Variants in SPIN2A observed in about 807,000 individuals in gnomAD.
SPIN2A encodes spindlin family member 2A, also known as spindlin-2A.
SPIN2A carries 4 observed loss-of-function variants against 9.2 expected under a neutral mutation model. The observed-to-expected ratio is 0.44, with a 90% CI of 0.21 to 1.00. The LOEUF (loss-of-function observed/expected upper bound fraction) is 1.00, where lower values mean the gene tolerates loss of function less well. Ranked by LOEUF, SPIN2A falls within the 50% of genes least tolerant of loss-of-function variation. The pLI, the probability that SPIN2A is intolerant of heterozygous loss-of-function variation, is 0.26. For synonymous variants in SPIN2A, 25 were observed against 61.2 expected, an observed-to-expected ratio of 0.41 and a Z score of 2.76; for missense variants, 77 against 172.8, an observed-to-expected ratio of 0.45 and a Z score of 3.11.
intron 1 of SPIN2A, chrX:57,137,025 C>T: frequency 1.2e-6 from 1 of 838,264 alleles, no homozygotes; most frequent in Non-Finnish European, 1.5e-6. Context: ...TGTTACCTAC[C>T]TCCCTTGCTT....
chrX:57,142,726 G>A, the SPIN2A span, among the ~76,000 whole-genome samples: 36 of 111,519 alleles, frequency 3.2e-4, no homozygotes, highest in African/African-American at 1.1e-3. Flanking sequence ...ACTTGTTATC[G>A]TTTTGGGATC....
At chrX:57,146,002 A>G in the SPIN2A span, among the ~76,000 whole-genome samples, 44,040 of 106,690 alleles carry the variant, frequency 0.41, 8,553 homozygotes, top group African/African-American at 0.74. Flanking sequence ...GATGCCTCCA[A>G]ATTTTTTTTT....
chrX:57,137,670 C>A (rs1013148523), upstream of SPIN2A: 1 of 111,320 alleles, frequency 9.0e-6, no homozygotes, highest in Non-Finnish European at 1.9e-5. Context: ...TGTAGGTGGC[C>A]TTTTCTCTCT....
the SPIN2A span, among the ~76,000 whole-genome samples, chrX:57,144,336 T>C: frequency 1.0e-5 from 1 of 97,743 alleles, no homozygotes; most frequent in East Asian, 3.3e-4. Context: ...ATTCTTGTAT[T>C]TGGATATTTA....
chrX:57,135,060 G>A (rs983436052), downstream of SPIN2A: 1 of 111,296 alleles, frequency 9.0e-6, no homozygotes, highest in African/African-American at 3.3e-5. Flanking sequence ...TCTCTCATGG[G>A]CCCCATACCC....
Position 57,135,916 on chromosome X carries a change from C to G in SPIN2A, c.682G>C (p.Val228Leu). Residue 228 changes from valine (V) to leucine (L), a missense_variant, in exon 2 of 2, where the codon GTC (valine) becomes CTC (leucine). By Grantham distance (32) the Val-to-Leu change is conservative. Transcript: ENST00000374906. ...GGTTTGGTTTCCACTTGGTGAATGA[C>G]CATGCCGATCCTTTTGGAGCCATCT... ...KEDGSKRIGM[V>L]IHQVETKPSV... is the part of the protein sequence containing the mutation. 6 of 1,210,043 alleles carry G rather than the reference C, an allele frequency of 5.0e-6. No homozygotes were observed. Among genetic ancestry groups the G allele is most frequent in the South Asian group, 1.8e-5 (1 of 56,902 alleles).
chrX:57,139,481 G>A (rs1376495306), upstream of SPIN2A, among the ~76,000 whole-genome samples: 1 of 111,280 alleles, frequency 9.0e-6, no homozygotes, highest in Middle Eastern at 4.2e-3. Flanking sequence ...TTTGTTTTTT[G>A]AGACGGAGTC....
At chrX:57,136,927 A>G in intron 1 of SPIN2A, 1 of 762,201 alleles carries the variant, frequency 1.3e-6, no homozygotes, top group Non-Finnish European at 1.8e-6. Flanking sequence ...TCCCCTGCAA[A>G]GCGGCCTTGA....
rs745615148 is a variant in SPIN2A, at chrX:57,137,187, G to A, written c.-6+73C>T. The A allele has an allele frequency of 4.1e-5, 31 of 759,470 alleles. No homozygotes were observed. The African/African-American group carries it at 6.5e-4, about 16-fold the overall frequency. 62.6% of individuals were successfully genotyped at this position (759,470 alleles called of 1,213,427 possible). On this transcript the variant is annotated intron_variant, in intron 1 of 1. Coordinates refer to ENST00000374906, the MANE Select transcript of SPIN2A (RefSeq NM_019003.5). ...TTCCCATCCCCCTCTCCATTCTGGC[G>A]CCCACTAATGGCCTTGCCCTGCCTG...
chrX:57,144,393 A>G, the SPIN2A span, among the ~76,000 whole-genome samples: 4 of 108,792 alleles, frequency 3.7e-5, no homozygotes, highest in African/African-American at 1.0e-4. Context: ...ATTTATTTGA[A>G]TAAACATTCT....
the SPIN2A span, among the ~76,000 whole-genome samples, chrX:57,144,582 C>T: frequency 9.2e-6 from 1 of 108,522 alleles, no homozygotes; most frequent in Non-Finnish European, 1.9e-5. Flanking sequence ...TGAGTAAGTT[C>T]TTTATTGGTG....
At position 57,137,019 on chromosome X, in the gene SPIN2A, A is replaced by C. The variant is rs1927820797; in HGVS notation, c.-6+241T>G. 7 of 836,514 alleles carry C rather than the reference A, an allele frequency of 8.4e-6. No individual in the cohort carries two copies. The South Asian group carries it at 3.1e-4, about 37-fold the overall frequency. The allele number at this position is 836,514 out of a possible 1,213,427, so 68.9% of individuals were successfully genotyped here. On this transcript the variant is annotated intron_variant, in intron 1 of 1. Coordinates refer to ENST00000374906, the MANE Select transcript of SPIN2A (RefSeq NM_019003.5). ...TGCCTATCCTAACCACTTCCCTGTT[A>C]CCTACCTCCCTTGCTTCCTGGCGCT...
chrX:57,143,353 C>T, the SPIN2A span, among the ~76,000 whole-genome samples: 3 of 110,762 alleles, frequency 2.7e-5, no homozygotes, highest in East Asian at 2.8e-4. Flanking sequence ...CAACTTAACT[C>T]GGACGATGGT....
chrX:57,141,965 G>A (rs191330110), upstream of SPIN2A, among the ~76,000 whole-genome samples: 16 of 108,876 alleles, frequency 1.5e-4, no homozygotes, highest in African/African-American at 2.3e-4. Flanking sequence ...CCCACACCCC[G>A]GTCTAATTTT....
At chrX:57,136,928 G>T in intron 1 of SPIN2A, 1 of 768,766 alleles carries the variant, frequency 1.3e-6, no homozygotes, top group Non-Finnish European at 1.8e-6. Flanking sequence ...CCCCTGCAAA[G>T]CGGCCTTGAC....
At chrX:57,143,193 T>A in the SPIN2A span, among the ~76,000 whole-genome samples, 1 of 111,107 alleles carries the variant, frequency 9.0e-6, no homozygotes, top group Non-Finnish European at 1.9e-5. Flanking sequence ...TTTTCTTTAT[T>A]TCTGTCCTTC....
At chrX:57,141,595 A>C (rs750619354), upstream of SPIN2A, among the ~76,000 whole-genome samples, 1 of 111,209 alleles carries the variant, frequency 9.0e-6, no homozygotes, top group East Asian at 2.8e-4. Context: ...TTTTATTACC[A>C]TTGCTATCTC....
chrX:57,139,764 A>G (rs12688862), upstream of SPIN2A, among the ~76,000 whole-genome samples: 31,806 of 110,836 alleles, frequency 0.29, 3,511 homozygotes, highest in Middle Eastern at 0.57. Context: ...CCATAGGTTT[A>G]TAGTATAATT....
chrX:57,143,296 C>T, the SPIN2A span, among the ~76,000 whole-genome samples: 4 of 110,027 alleles, frequency 3.6e-5, no homozygotes, highest in South Asian at 4.0e-4. Context: ...TTCATGGATA[C>T]GAGGAGACTT....
Sources: allele counts gnomAD v4.1 joint callset (sites outside exome capture counted in the v4.1 genomes callset), GRCh38; gene constraint gnomAD v4.1.1; transcripts MANE v1.5; gene names NCBI Gene and HGNC (gene_info 2026-07-23, HGNC 2026-07-21).